FREM2: variants seen among roughly 807,000 people sequenced by gnomAD.
FREM2 encodes FRAS1-related extracellular matrix protein 2.
In FREM2, 119 loss-of-function variants were observed where a neutral mutation model predicts 219.9. The ratio of observed to expected loss-of-function variants is 0.54; its 90% confidence interval spans 0.47 to 0.63. The LOEUF is 0.63. Among genes scored for constraint, FREM2 ranks in the 30% least tolerant of loss-of-function variants. FREM2 has a pLI of 0.00. For synonymous variants in FREM2, 1,562 were observed against 1,522.8 expected, an observed-to-expected ratio of 1.03 and a Z score of -0.60; for missense variants, 4,030 against 3,993.6, an observed-to-expected ratio of 1.01 and a Z score of -0.25.
rs1451106077 is a variant in FREM2, at chr13:38,753,821, A to C, written c.5264-10483A>C. ...CACTAAGTGTAAGCTCCCAATTAGG[A>C]AAGTACAGTGTTACCCAATTAAATC... On this transcript the variant is annotated intron_variant, in intron 2 of 23. Transcript: ENST00000280481. Among the ~76,000 whole-genome samples, 7 of 152,326 alleles carry C rather than the reference A, an allele frequency of 4.6e-5. No homozygotes were observed. In the East Asian group the frequency reaches 1.3e-3, roughly 29 times the overall value.
chr13:38,850,110 A>G lies in FREM2; in HGVS notation c.6452A>G (p.His2151Arg), dbSNP rs765658510. Residue 2151 changes from histidine (H) to arginine (R), a missense_variant, in exon 9 of 24, where the codon CAT becomes CGT. Physicochemically the swap from His to Arg is conservative, Grantham distance 29. Coordinates refer to ENST00000280481, the MANE Select transcript of FREM2 (RefSeq NM_207361.6). ...ESDGQIVTMI[H>R]RTGDVQYRSS... ...GATGGGCAGATAGTTACAATGATCC[A>G]TAGGACTGGGGATGTCCAGTACAGA... The G allele has an allele frequency of 2.4e-5, 38 of 1,613,922 alleles. No individual in the cohort carries two copies. Among genetic ancestry groups the G allele is most frequent in the Non-Finnish European group, 3.2e-5 (38 of 1,179,800 alleles).
At chr13:38,812,882 CAA>C (rs201198683) in intron 6 of FREM2, among the ~76,000 whole-genome samples, 34 of 132,950 alleles carry the variant, frequency 2.6e-4, no homozygotes, top group African/African-American at 8.2e-4. Flanking sequence ...GACCCTATGT[CAA>C]AAAAACAAAA....
Position 38,688,991 on chromosome 13 carries a change from C to A in FREM2, c.1647C>A (p.Phe549Leu), listed in dbSNP as rs114341997. Reference protein sequence around the residue: ...GGGRHQVQFLFPITLVPVDDQ... With the variant: ...GGGRHQVQFLLPITLVPVDDQ... ...GCAGGCACCAGGTACAGTTTCTGTT[C>A]CCCATCACCTTAGTGCCTGTGGATG... The change falls in exon 1 of 24, where the codon TTC (phenylalanine) becomes TTA (leucine). Residue 549 changes from phenylalanine (F) to leucine (L), a missense_variant. Physicochemically the swap from Phe to Leu is conservative, Grantham distance 22. Coordinates refer to ENST00000280481, the MANE Select transcript of FREM2 (RefSeq NM_207361.6). The A allele has an allele frequency of 6.8e-5, 110 of 1,613,906 alleles. 1 individual carries two copies. The East Asian group carries it at 1.9e-3, about 27-fold the overall frequency.
intron 6 of FREM2, among the ~76,000 whole-genome samples, chr13:38,828,481 G>A (rs1876380138): frequency 6.6e-6 from 1 of 152,074 alleles, no homozygotes; most frequent in Non-Finnish European, 1.5e-5. Flanking sequence ...GCCGAGGTAG[G>A]AGGATCACTT....
chr13:38,791,664 A>G (rs1332705687), intron 6 of FREM2, among the ~76,000 whole-genome samples: 1 of 152,114 alleles, frequency 6.6e-6, no homozygotes, highest in Non-Finnish European at 1.5e-5. Flanking sequence ...TCACAAGAAC[A>G]GTATAGGGGA....
In FREM2 at chr13:38,887,092, A is replaced by G. The variant is rs1339547012; in HGVS notation, c.*6305A>G. On this transcript the variant is annotated 3_prime_UTR_variant, in exon 24 of 24. Coordinates refer to ENST00000280481, the MANE Select transcript of FREM2 (RefSeq NM_207361.6). ...CTACGCTTGCTTTCCTTCAAAATAT[A>G]CCAAGTGTGTAATATAAATAAAGCC... 6.6e-6 allele frequency: 1 copy of G among 152,194 alleles called. No homozygotes were observed. The highest frequency in any genetic ancestry group is 2.4e-5 in the African/African-American group (1 of 41,442). 9.4% of individuals were successfully genotyped at this position (152,194 alleles called of 1,614,324 possible).
intron 2 of FREM2, among the ~76,000 whole-genome samples, chr13:38,726,729 T>C (rs1871541653): frequency 6.6e-6 from 1 of 152,244 alleles, no homozygotes; most frequent in Admixed American, 6.5e-5. Flanking sequence ...GACAAAGAAG[T>C]TGCAGCTGTT....
intron 3 of FREM2, among the ~76,000 whole-genome samples, chr13:38,766,264 G>A (rs921413727): frequency 6.6e-6 from 1 of 151,904 alleles, no homozygotes; most frequent in African/African-American, 2.4e-5. Context: ...TCAAACAAGA[G>A]CTCTTTTTGT....
Position 38,763,464 on chromosome 13 carries a change from C to CTTTTTTTTTTTTTTT in FREM2, c.5264-827_5264-826insTTTTTTTTTTTTTTT, listed in dbSNP as rs1163604743. 2.0e-3 allele frequency among the ~76,000 whole-genome samples: 204 copies of CTTTTTTTTTTTTTTT among 102,320 alleles called. 10 individuals carry two copies. Among genetic ancestry groups the CTTTTTTTTTTTTTTT allele is most frequent in the Non-Finnish European group, 3.1e-3 (167 of 54,094 alleles). The allele number at this position is 102,320 out of a possible 152,430, so 67.1% of individuals were successfully genotyped here. On this transcript the variant is annotated intron_variant, in intron 2 of 23. Transcript: ENST00000280481. ...CCTCTAGCTGTGTTTGTTACTTGGGCTTTTTTTTTTTTTACACCCTCTTTC... is the reference window on the plus strand; with the variant it reads ...CCTCTAGCTGTGTTTGTTACTTGGGCTTTTTTTTTTTTTTTTTTTTTTTTTTTTACACCCTCTTTC...
intron 3 of FREM2, among the ~76,000 whole-genome samples, chr13:38,769,187 TTTC>T (rs1380763375): frequency 4.6e-5 from 7 of 152,208 alleles, no homozygotes; most frequent in Non-Finnish European, 1.0e-4. Context: ...TTAGAGAATG[TTTC>T]TTATTTTTTT....
In FREM2 at chr13:38,687,709, T is replaced by G; in HGVS notation, c.365T>G (p.Leu122Arg). The stretch of plus-strand genomic sequence containing the variant: ...GCACTGGCCCAGCGACCGGGCCGCC[T>G]GAGTCCCAAGCGCTTCCCGTGCGAC... Reference protein sequence around the residue: ...NDALAQRPGRLSPKRFPCDFG... With the variant: ...NDALAQRPGRRSPKRFPCDFG... The change falls in exon 1 of 24, where the codon CTG becomes CGG. Residue 122 changes from leucine (L) to arginine (R), a missense_variant. By Grantham distance (102) the Leu-to-Arg change is moderately radical (BLOSUM62 -2). Transcript: ENST00000280481. 9 of 1,565,298 alleles carry G rather than the reference T, an allele frequency of 5.7e-6. No homozygotes were observed. The highest frequency in any genetic ancestry group is 6.9e-6 in the Non-Finnish European group (8 of 1,153,122).
At chr13:38,871,626 A>G (rs1294891503) in intron 16 of FREM2, among the ~76,000 whole-genome samples, 2 of 152,162 alleles carry the variant, frequency 1.3e-5, no homozygotes, top group Non-Finnish European at 2.9e-5. Flanking sequence ...GGAGGTTTAG[A>G]GAATACTGTG....
At chr13:38,749,692 C>T (rs962968405) in intron 2 of FREM2, among the ~76,000 whole-genome samples, 43 of 152,070 alleles carry the variant, frequency 2.8e-4, no homozygotes, top group African/African-American at 9.7e-4. Flanking sequence ...TCACCCCCTC[C>T]CCAACTTGTG....
Position 38,688,056 on chromosome 13 carries a change from C to T in FREM2, c.712C>T (p.Gln238Ter), listed in dbSNP as rs1280769846. 1 of 1,608,618 alleles carries T rather than the reference C, an allele frequency of 6.2e-7. No homozygotes were observed. The highest frequency in any genetic ancestry group is 1.3e-5 in the African/African-American group (1 of 74,852). Reference sequence around the variant, plus strand: ...CTATGGAGAACTCCTCCACTACCCGCAGGTCCCTGGAGGAGCCAGAGAGGG... The same window carrying T: ...CTATGGAGAACTCCTCCACTACCCGTAGGTCCCTGGAGGAGCCAGAGAGGG... ...PRYGELLHYP[Q>*]VPGGAREGGA... is the part of the protein sequence containing the mutation. Residue 238 changes from glutamine to a stop codon, truncating the protein, a stop_gained, in exon 1 of 24, where the codon CAG becomes TAG. Transcript: ENST00000280481. LOFTEE classifies it high-confidence loss of function.
chr13:38,796,617 T>A (rs1048297272), intron 6 of FREM2, among the ~76,000 whole-genome samples: 2 of 152,064 alleles, frequency 1.3e-5, no homozygotes, highest in Admixed American at 6.6e-5. Context: ...TATAATGCAC[T>A]TGATTGCTTG....
At chr13:38,714,856 C>G (rs1870927747) in intron 2 of FREM2, among the ~76,000 whole-genome samples, 1 of 151,858 alleles carries the variant, frequency 6.6e-6, no homozygotes, top group Non-Finnish European at 1.5e-5. Context: ...GAGGCCAAGG[C>G]AGGCAGATCA....
Position 38,690,056 on chromosome 13 carries a change from TA to T in FREM2, c.2714del (p.Asn905MetfsTer6). The T allele has an allele frequency of 6.2e-7, 1 of 1,613,912 alleles. No homozygotes were observed. ...AACAGGGCCGAGTTTCCTATGCCCA[TA>T]ATGGGGACAAGTCCCTGACTGATAG... ...IKQGRVSYAH[N>X]GDKSLTDSCS... On this transcript the variant is annotated frameshift_variant, in exon 1 of 24. Transcript: ENST00000280481. LOFTEE classifies it high-confidence loss of function.
chr13:38,864,445 G>GAGACATAT lies in FREM2; in HGVS notation c.7823_7830dup (p.Pro2611ArgfsTer23). On this transcript the variant is annotated frameshift_variant, in exon 16 of 24. Coordinates refer to ENST00000280481, the MANE Select transcript of FREM2 (RefSeq NM_207361.6). LOFTEE classifies it high-confidence loss of function. ...TACCAAAAATCCAGAAATAATTGGA[G>GAGACATAT]AGACATATCCTTACCAGTACAGCTT... 1 of 1,614,188 alleles carries GAGACATAT rather than the reference G, an allele frequency of 6.2e-7. No individual in the cohort carries two copies. Among genetic ancestry groups the GAGACATAT allele is most frequent in the Non-Finnish European group, 8.5e-7 (1 of 1,180,020 alleles).
intron 2 of FREM2, among the ~76,000 whole-genome samples, chr13:38,736,704 G>A (rs1292491122): frequency 6.6e-6 from 1 of 152,088 alleles, no homozygotes. Flanking sequence ...AAAATTAATG[G>A]GTAGTCCTAG....
Sources: allele counts gnomAD v4.1 joint callset (sites outside exome capture counted in the v4.1 genomes callset), GRCh38; gene constraint gnomAD v4.1.1; transcripts MANE v1.5; gene names NCBI Gene and HGNC (gene_info 2026-07-23, HGNC 2026-07-21).